DCDC2: variants seen among roughly 807,000 people sequenced by gnomAD.
The protein encoded by DCDC2 is doublecortin domain-containing protein 2.
DCDC2 carries 40 observed loss-of-function variants against 50.2 expected under a neutral mutation model. The ratio of observed to expected loss-of-function variants is 0.80; its 90% CI spans 0.62 to 1.04. The LOEUF is 1.04. Among genes scored for constraint, DCDC2 ranks in the 50% least tolerant of loss-of-function variants. The pLI is 0.00. For missense variants in DCDC2, 570 were observed against 581.9 expected, an observed-to-expected ratio of 0.98 and a Z score of 0.21; for synonymous variants, 234 against 210.6, an observed-to-expected ratio of 1.11 and a Z score of -0.96.
chr6:24,378,519 T>C, the DCDC2 span, among the ~76,000 whole-genome samples: 1 of 152,040 alleles, frequency 6.6e-6, no homozygotes, highest in Non-Finnish European at 1.5e-5. Flanking sequence ...GATATATACT[T>C]CAGAGCTCCC....
chr6:24,381,957 AAAGAAGGAAGG>A, the DCDC2 span, among the ~76,000 whole-genome samples: 38 of 138,338 alleles, frequency 2.7e-4, no homozygotes, highest in African/African-American at 1.0e-3. Context: ...AGAAGGAAAG[AAAGAAGGAAGG>A]AAGGAAGGAA....
At chr6:24,376,807 G>A in the DCDC2 span, among the ~76,000 whole-genome samples, 1 of 67,614 alleles carries the variant, frequency 1.5e-5, no homozygotes, top group African/African-American at 5.5e-5. Context: ...TATCAATGTT[G>A]TTTTTTTAAT....
chr6:24,240,362 A>C (rs550526686), intron 7 of DCDC2, among the ~76,000 whole-genome samples: 63 of 152,342 alleles, frequency 4.1e-4, no homozygotes, highest in Non-Finnish European at 8.4e-4. Flanking sequence ...TTCTGATTAC[A>C]AGCATCATGC....
intron 8 of DCDC2, among the ~76,000 whole-genome samples, chr6:24,185,271 C>G (rs2113745579): frequency 6.6e-6 from 1 of 152,284 alleles, no homozygotes; most frequent in Admixed American, 6.5e-5. Flanking sequence ...CCAGTACTAA[C>G]AAGCAGTATT....
At chr6:24,271,931 G>A (rs559479854) in intron 7 of DCDC2, among the ~76,000 whole-genome samples, 10 of 152,118 alleles carry the variant, frequency 6.6e-5, no homozygotes, top group Non-Finnish European at 1.0e-4. Flanking sequence ...AACAAAAAGC[G>A]TCTTCAAACT....
At chr6:24,214,645 T>C (rs937837313) in intron 7 of DCDC2, among the ~76,000 whole-genome samples, 1 of 152,218 alleles carries the variant, frequency 6.6e-6, no homozygotes, top group African/African-American at 2.4e-5. Context: ...TGCATCCTTA[T>C]AAAAATTACA....
chr6:24,355,278 T>C (rs996198103), intron 1 of DCDC2, among the ~76,000 whole-genome samples: 1 of 152,126 alleles, frequency 6.6e-6, no homozygotes, highest in East Asian at 1.9e-4. Flanking sequence ...CTGTACCTTT[T>C]TTTTTTAATC....
intron 7 of DCDC2, among the ~76,000 whole-genome samples, chr6:24,235,528 C>T (rs574916933): frequency 1.1e-3 from 174 of 152,210 alleles, no homozygotes; most frequent in Non-Finnish European, 2.1e-3. Context: ...ACCACATAAA[C>T]AGAATTAAGA....
At chr6:24,355,979 C>G (rs1760461025) in intron 1 of DCDC2, among the ~76,000 whole-genome samples, 1 of 151,922 alleles carries the variant, frequency 6.6e-6, no homozygotes, top group African/African-American at 2.4e-5. Flanking sequence ...TTTTTTCTAT[C>G]CTGGGGCCCA....
the DCDC2 span, among the ~76,000 whole-genome samples, chr6:24,372,236 A>G: frequency 6.6e-6 from 1 of 152,150 alleles, no homozygotes; most frequent in East Asian, 1.9e-4. Flanking sequence ...CCTGGCTAAC[A>G]CGGTGAAACC....
the DCDC2 span, among the ~76,000 whole-genome samples, chr6:24,366,754 C>CT: frequency 6.6e-6 from 1 of 152,168 alleles, no homozygotes; most frequent in Admixed American, 6.5e-5. Context: ...TATTGGTAGA[C>CT]TTTCATTTCT....
intron 2 of DCDC2, among the ~76,000 whole-genome samples, chr6:24,345,640 G>C (rs115808090): frequency 0.04 from 6,068 of 152,228 alleles, 170 homozygotes; most frequent in Non-Finnish European, 0.062. Flanking sequence ...TTTCACTGTG[G>C]TCTTACTTTT....
intron 7 of DCDC2, among the ~76,000 whole-genome samples, chr6:24,266,323 T>C (rs1763121803): frequency 6.6e-6 from 1 of 152,018 alleles, no homozygotes. Flanking sequence ...CACAAGATTA[T>C]GGGATCACAT....
At chr6:24,288,997 C>T in intron 5 of DCDC2, 91 bp from the exon 6 acceptor site, 3 of 871,482 alleles carry the variant, frequency 3.4e-6, no homozygotes, top group Admixed American at 5.1e-5. Flanking sequence ...TGGAAGTCAA[C>T]TGTTTACTGC....
At chr6:24,274,444 T>C (rs1044215265) in intron 7 of DCDC2, among the ~76,000 whole-genome samples, 2 of 152,022 alleles carry the variant, frequency 1.3e-5, no homozygotes, top group Non-Finnish European at 2.9e-5. Flanking sequence ...GGTATTTAAA[T>C]GCAACACTAA....
intron 1 of DCDC2, chr6:24,357,188 G>A (rs1365489661): frequency 2.8e-6 from 1 of 353,610 alleles, no homozygotes; most frequent in African/African-American, 2.1e-5. Context: ...CCTTTGCAAG[G>A]ATACCTTTTT....
Position 24,174,748 on chromosome 6 carries a change from G to A in DCDC2, c.1413C>T (p.Asp471=). 1 of 1,613,156 alleles carries A rather than the reference G, an allele frequency of 6.2e-7. No individual in the cohort carries two copies. Among genetic ancestry groups the A allele is most frequent in the South Asian group, 1.1e-5 (1 of 90,996 alleles). Residue 471 remains aspartate, a synonymous_variant, in exon 10 of 10, where the codon GAC becomes GAT. Coordinates refer to ENST00000378454, the MANE Select transcript of DCDC2 (RefSeq NM_016356.5). The part of the protein sequence containing the change: ...EENENNQQNK[D]YAAVA ...AAATGTTCTAAGCCACGGCAGCATA[G>A]TCCTTGTTTTGTTGGTTGTTTTCAT...
intron 8 of DCDC2, among the ~76,000 whole-genome samples, chr6:24,191,014 C>T (rs1241494103): frequency 6.6e-6 from 1 of 152,172 alleles, no homozygotes; most frequent in Non-Finnish European, 1.5e-5. Context: ...CTACTACCAA[C>T]GGATCATGTC....
intron 8 of DCDC2, among the ~76,000 whole-genome samples, chr6:24,186,665 G>A (rs529189716): frequency 7.2e-4 from 109 of 152,172 alleles, no homozygotes; most frequent in African/African-American, 2.1e-3. Flanking sequence ...TTTTCTCCCC[G>A]CTCTACTCAT....
Sources: gnomAD v4.1 joint callset for allele counts (sites outside exome capture counted in the v4.1 genomes callset) on GRCh38, gnomAD v4.1.1 for gene constraint, MANE v1.5 for transcripts, NCBI Gene and HGNC (gene_info 2026-07-23, HGNC 2026-07-21) for gene names.